Variants in ABCB11 observed in about 807,000 individuals in gnomAD.
ABCB11 encodes the protein ATP binding cassette subfamily B member 11.
A neutral mutation model predicts 148.0 loss-of-function variants in ABCB11; 95 were observed. That is an observed-to-expected ratio of 0.64 (90% CI 0.54 to 0.76). ABCB11 has a LOEUF of 0.76. ABCB11 is among the 30% of genes least tolerant of loss of function. ABCB11 has a pLI of 0.00. For synonymous variants in ABCB11, 591 were observed against 555.4 expected, an observed-to-expected ratio of 1.06 and a Z score of -0.90; for missense variants, 1,523 against 1,617.8, an observed-to-expected ratio of 0.94 and a Z score of 1.01.
rs573248071 is a variant in ABCB11 at position 168,971,532 on chromosome 2, A to G, written c.1638+315T>C. Among the ~76,000 whole-genome samples, 84 of 152,200 alleles carry G rather than the reference A, an allele frequency of 5.5e-4. 1 individual carries two copies. Among genetic ancestry groups the G allele is most frequent in the Admixed American group, 5.5e-3 (84 of 15,252 alleles). Reference sequence around the variant, plus strand: ...ATCTGCTTAGACAAATGCTTAATAAAAGGAATAAGGACATTGGATCTATGT... The same window carrying G: ...ATCTGCTTAGACAAATGCTTAATAAGAGGAATAAGGACATTGGATCTATGT... On this transcript the variant is annotated intron_variant, in intron 14 of 27. Transcript: ENST00000650372.
At chr2:169,000,013 C>T (rs1334237998) in intron 5 of ABCB11, among the ~76,000 whole-genome samples, 2 of 152,044 alleles carry the variant, frequency 1.3e-5, no homozygotes, top group Non-Finnish European at 2.9e-5. Flanking sequence ...TAATTTTAGC[C>T]ATTCCAATAA....
intron 17 of ABCB11, among the ~76,000 whole-genome samples, chr2:168,964,761 A>G (rs1283454284): frequency 2.6e-5 from 4 of 151,856 alleles, no homozygotes. Context: ...TACAAATGAT[A>G]TGAGGAAATA....
chr2:168,944,233 G>C (rs1051909807), intron 21 of ABCB11, among the ~76,000 whole-genome samples: 1 of 151,942 alleles, frequency 6.6e-6, no homozygotes, highest in Non-Finnish European at 1.5e-5. Flanking sequence ...ACCACACTCT[G>C]GGGTCCTGTG....
chr2:168,982,416 A>G (rs1573936941), intron 10 of ABCB11, among the ~76,000 whole-genome samples: 1 of 152,136 alleles, frequency 6.6e-6, no homozygotes, highest in Non-Finnish European at 1.5e-5. Context: ...GACACTTTGT[A>G]TATACTGAAT....
At chr2:168,972,126 ACC>A in intron 13 of ABCB11, 76 bp from the exon 14 acceptor site, 1 of 1,352,936 alleles carries the variant, frequency 7.4e-7, no homozygotes, top group Non-Finnish European at 1.0e-6. Flanking sequence ...GTCATACTTG[ACC>A]AATGGGCAGA....
chr2:169,026,699 T>C (rs1178158461), intron 1 of ABCB11, among the ~76,000 whole-genome samples: 1 of 152,158 alleles, frequency 6.6e-6, no homozygotes, highest in African/African-American at 2.4e-5. Context: ...GGCAAATTAT[T>C]TTTTTTATCA....
Position 168,922,942 on chromosome 2 carries a change from A to C in ABCB11, c.*680T>G, listed in dbSNP as rs1179118040. ...GGTAGGTCCTCACAGTAATGGTAGC[A>C]TCACCACCCCTACACTCACTCTGAA... is the stretch of plus-strand genomic sequence containing the variant. On this transcript the variant is annotated 3_prime_UTR_variant, in exon 28 of 28. Transcript: ENST00000650372. The C allele has an allele frequency of 6.6e-6, 1 of 152,584 alleles. No homozygotes were observed. The highest frequency in any genetic ancestry group is 2.4e-5 in the African/African-American group (1 of 41,424). The allele number at this position is 152,584 out of a possible 1,614,324, so 9.5% of individuals were successfully genotyped here. A position where few individuals can be genotyped will look rare whatever the true frequency, so the allele number is the denominator to read the frequency against.
chr2:168,960,579 A>G (rs144050860), intron 18 of ABCB11, among the ~76,000 whole-genome samples: 4 of 151,804 alleles, frequency 2.6e-5, no homozygotes, highest in African/African-American at 9.6e-5. Context: ...TCATTCCAAG[A>G]GACACTAACA....
intron 10 of ABCB11, among the ~76,000 whole-genome samples, chr2:168,981,299 C>T (rs1694128849): frequency 6.6e-6 from 1 of 152,086 alleles, no homozygotes; most frequent in African/African-American, 2.4e-5. Context: ...TGGGTTAGTC[C>T]ACTCACGCTT....
intron 3 of ABCB11, among the ~76,000 whole-genome samples, chr2:169,015,185 C>T (rs1695316026): frequency 6.6e-6 from 1 of 152,130 alleles, no homozygotes; most frequent in African/African-American, 2.4e-5. Context: ...GAACCACACT[C>T]TCACCATCAT....
intron 10 of ABCB11, 105 bp downstream of exon 10, chr2:168,986,005 C>G (rs1484702855): frequency 1.1e-6 from 1 of 948,808 alleles, no homozygotes; most frequent in African/African-American, 1.7e-5. Flanking sequence ...ATCATTGATG[C>G]TTTTTTCCTG....
At chr2:168,967,957 A>G (rs1289165493) in intron 17 of ABCB11, among the ~76,000 whole-genome samples, 3 of 151,892 alleles carry the variant, frequency 2.0e-5, no homozygotes, top group African/African-American at 7.2e-5. Flanking sequence ...TTCTTACTTC[A>G]TCTAGTTATG....
intron 5 of ABCB11, among the ~76,000 whole-genome samples, chr2:169,007,831 A>G (rs568047218): frequency 1.3e-5 from 2 of 152,372 alleles, no homozygotes; most frequent in African/African-American, 4.8e-5. Context: ...ATTATCAAGA[A>G]GTTAGAAAGA....
rs1643939780 is a variant in ABCB11 at position 168,922,435 on chromosome 2, C to T, written c.*1187G>A. On this transcript the variant is annotated 3_prime_UTR_variant, in exon 28 of 28. Transcript: ENST00000650372. The stretch of plus-strand genomic sequence containing the variant: ...TCTGTTTCCATACAGGCTTTTGGTC[C>T]ATTCTTCTGTCTTCAGTCCCTCTGT... 6.6e-6 allele frequency among the ~76,000 whole-genome samples: 1 copy of T among 152,174 alleles called. No individual in the cohort carries two copies. The highest frequency in any genetic ancestry group is 2.4e-5 in the African/African-American group (1 of 41,442).
At chr2:169,001,714 T>A (rs576755054) in intron 5 of ABCB11, among the ~76,000 whole-genome samples, 1 of 152,348 alleles carries the variant, frequency 6.6e-6, no homozygotes, top group East Asian at 1.9e-4. Context: ...CTAGGCTTTC[T>A]CTTTCTGACC....
At chr2:168,966,195 AG>A (rs1465902051) in intron 17 of ABCB11, among the ~76,000 whole-genome samples, 1 of 151,822 alleles carries the variant, frequency 6.6e-6, no homozygotes, top group Non-Finnish European at 1.5e-5. Flanking sequence ...GGTGAGAACA[AG>A]GTGCTTGATA....
rs112354931 is a variant in ABCB11 at position 168,972,093 on chromosome 2, A to G, written c.1435-43T>C. ...AACATCACAACTTTTGGAATCTTTC[A>G]GGGTTCTGAATCATAATATTATGTC... is the stretch of plus-strand genomic sequence containing the variant. On this transcript the variant is annotated intron_variant, in intron 13 of 27. Transcript: ENST00000650372. 1,445 of 1,566,594 alleles carry G rather than the reference A, an allele frequency of 9.2e-4. 11 individuals carry two copies. In the African/African-American group the frequency reaches 0.016, roughly 17 times the overall value.
intron 21 of ABCB11, among the ~76,000 whole-genome samples, chr2:168,939,682 A>AAAAAG (rs931367027): frequency 3.9e-5 from 6 of 152,090 alleles, no homozygotes; most frequent in African/African-American, 1.2e-4. Context: ...ATAAATATAA[A>AAAAAG]AAAAGAAAAG....
intron 17 of ABCB11, among the ~76,000 whole-genome samples, chr2:168,968,116 A>C (rs891873886): frequency 9.2e-6 from 1 of 109,078 alleles, no homozygotes; most frequent in African/African-American, 4.0e-5. Context: ...GGAGCAGAGG[A>C]ACACTAAACA....
Sources: gnomAD v4.1 joint callset for allele counts (sites outside exome capture counted in the v4.1 genomes callset) on GRCh38, gnomAD v4.1.1 for gene constraint, MANE v1.5 for transcripts, NCBI Gene and HGNC (gene_info 2026-07-23, HGNC 2026-07-21) for gene names.